The following APBB1 variants were observed in gnomAD, a reference collection of about 807,000 sequenced individuals.
APBB1 encodes amyloid beta precursor protein binding family B member 1.
In APBB1, 22 loss-of-function variants were observed where a neutral mutation model predicts 78.4. That is an observed-to-expected ratio of 0.28 (90% CI 0.20 to 0.40). The LOEUF is 0.40. Among genes scored for constraint, APBB1 ranks in the 10% least tolerant of loss-of-function variants. APBB1 has a pLI of 1.00. For synonymous variants in APBB1, 369 were observed against 372.7 expected (o/e 0.99, Z 0.12); for missense variants, 749 against 932.4 (o/e 0.80, Z 2.56).
rs1455293248 is a variant in APBB1 at position 6,402,885 on chromosome 11, G to C, written c.1105-160C>G. ...GAGAGGGGGATGTGGTTAGGGTGAG[G>C]GAGATGTCAGATGAGACCCCAGCTA... is the stretch of plus-strand genomic sequence containing the variant. On this transcript the variant is annotated intron_variant, in intron 6 of 14. Transcript: ENST00000609360. 4 of 943,894 alleles carry C rather than the reference G, an allele frequency of 4.2e-6. No homozygotes were observed. The African/African-American group carries it at 6.7e-5, about 16-fold the overall frequency. The allele number at this position is 943,894 out of a possible 1,614,324, so 58.5% of individuals were successfully genotyped here. A position where few individuals can be genotyped will look rare whatever the true frequency, so the allele number is the denominator to read the frequency against.
At chr11:6,396,843 G>T (rs1287756138) in intron 12 of APBB1, among the ~76,000 whole-genome samples, 1 of 152,156 alleles carries the variant, frequency 6.6e-6, no homozygotes, top group African/African-American at 2.4e-5. Context: ...TGGGTTCTTA[G>T]CCATGCCTTT....
chr11:6,402,558 C>T lies in APBB1; in HGVS notation c.1254+18G>A, dbSNP rs1444982442. 6.2e-7 allele frequency: 1 copy of T among 1,612,728 alleles called. No homozygotes were observed. The highest frequency in any genetic ancestry group is 8.5e-7 in the Non-Finnish European group (1 of 1,178,866). On this transcript the variant is annotated intron_variant, in intron 7 of 14. Transcript: ENST00000609360. ...CACTCTCACAGTACCACCCCCTACC[C>T]CCGGCTCAGGTCCTTACTTCCCCCC...
At chr11:6,409,087 T>C (rs1281143883) in intron 2 of APBB1, among the ~76,000 whole-genome samples, 1 of 152,160 alleles carries the variant, frequency 6.6e-6, no homozygotes, top group Non-Finnish European at 1.5e-5. Context: ...TTGTTGTTGT[T>C]GAGAAAGGGT....
intron 2 of APBB1, among the ~76,000 whole-genome samples, chr11:6,409,149 A>G (rs1351793682): frequency 6.6e-6 from 1 of 151,940 alleles, no homozygotes; most frequent in Non-Finnish European, 1.5e-5. Flanking sequence ...GGCTCACTGT[A>G]GTCTCGACTT....
Position 6,403,806 on chromosome 11 carries a change from G to A in APBB1, c.738C>T (p.Pro246=), listed in dbSNP as rs1848663888. The change falls in exon 3 of 15, where the codon CCC becomes CCT. Residue 246 remains proline, a synonymous_variant. Transcript: ENST00000609360. This position sits in a 1 kb window ranked among gnomAD's most constrained non-coding sequence, Gnocchi z 5.3. ...SPEDTDSFWN[P]NAFETDSDLP... ...GGTCGGAATCCGTCTCGAAGGCGTT[G>A]GGGTTCCAGAAGGAATCTGCCAGGT... is the stretch of plus-strand genomic sequence containing the variant. 1 of 1,552,964 alleles carries A rather than the reference G, an allele frequency of 6.4e-7. No individual in the cohort carries two copies. Among genetic ancestry groups the A allele is most frequent in the African/African-American group, 1.4e-5 (1 of 73,146 alleles).
rs555812893 is a variant in APBB1, at chr11:6,403,591, A to G, written c.898-47T>C. 1 of 1,613,902 alleles carries G rather than the reference A, an allele frequency of 6.2e-7. No homozygotes were observed. Among genetic ancestry groups the G allele is most frequent in the Admixed American group, 1.7e-5 (1 of 60,020 alleles). ...GTGAGTGAGTGTCCTATCCTACTCC[A>G]GCAGCACACACTCCCTCCACCCCTG... On this transcript the variant is annotated intron_variant, in intron 3 of 14. Transcript: ENST00000609360. This position sits in a 1 kb window ranked among gnomAD's most constrained non-coding sequence, Gnocchi z 5.3.
In APBB1 at chr11:6,401,572, G is replaced by A; in HGVS notation, c.1503+2C>T. On this transcript the variant is annotated splice_donor_variant, in intron 10 of 14. Transcript: ENST00000609360. LOFTEE classifies it low-confidence loss of function (GC_TO_GT_DONOR). The surrounding 1 kb of genome is among the most constrained non-coding windows in gnomAD (Gnocchi z 4.5). ...TAGTCCAGGGAGTGGAGGGGGCCGT[G>A]CCTTAGAGCAGATCTCATGCAGGCT... 6.2e-7 allele frequency: 1 copy of A among 1,614,180 alleles called. No homozygotes were observed. Among genetic ancestry groups the A allele is most frequent in the Non-Finnish European group, 8.5e-7 (1 of 1,180,038 alleles).
At position 6,395,328 on chromosome 11, in the gene APBB1, C is replaced by T; in HGVS notation, c.*206G>A. 2.0e-6 allele frequency: 1 copy of T among 490,696 alleles called. No homozygotes were observed. Among genetic ancestry groups the T allele is most frequent in the Non-Finnish European group, 3.4e-6 (1 of 291,920 alleles). 30.4% of individuals were successfully genotyped at this position (490,696 alleles called of 1,614,324 possible). ...CCAGGGCTGGCCTTGCTTCCTGCTC[C>T]TCTTGTTACCACTCCAGTGTTATCA... On this transcript the variant is annotated 3_prime_UTR_variant, in exon 15 of 15. Coordinates refer to ENST00000609360, the MANE Select transcript of APBB1 (RefSeq NM_001164.5). The surrounding 1 kb of genome is among the most constrained non-coding windows in gnomAD (Gnocchi z 5.2).
At chr11:6,407,881 G>A (rs889665296) in intron 2 of APBB1, among the ~76,000 whole-genome samples, 2 of 150,644 alleles carry the variant, frequency 1.3e-5, no homozygotes, top group African/African-American at 4.9e-5. Context: ...CCGGGTTCAC[G>A]CCATTCTCCT....
intron 1 of APBB1, among the ~76,000 whole-genome samples, chr11:6,416,449 T>C (rs1849118202): frequency 6.6e-6 from 1 of 152,138 alleles, no homozygotes; most frequent in African/African-American, 2.4e-5. Context: ...GACAAGTACA[T>C]TCAACTTTCT....
At chr11:6,413,151 C>A (rs1434794988) in intron 1 of APBB1, among the ~76,000 whole-genome samples, 1 of 152,120 alleles carries the variant, frequency 6.6e-6, no homozygotes, top group Non-Finnish European at 1.5e-5. Flanking sequence ...CCCTGACCAA[C>A]CACTGCCCAC....
At chr11:6,398,473 T>C (rs1201369632) in intron 12 of APBB1, among the ~76,000 whole-genome samples, 1 of 152,126 alleles carries the variant, frequency 6.6e-6, no homozygotes, top group Non-Finnish European at 1.5e-5. Flanking sequence ...AAAACGAGCA[T>C]AAGATAAAGC....
chr11:6,402,369 A>G lies in APBB1; in HGVS notation c.1255-160T>C, dbSNP rs1042661083. ...CTCACTCTAGTGGAGGTCACGTGTC[A>G]TCTCTCACATTGACTCCACCGTTGT... On this transcript the variant is annotated intron_variant, in intron 7 of 14. Coordinates refer to ENST00000609360, the MANE Select transcript of APBB1 (RefSeq NM_001164.5). The G allele has an allele frequency of 2.4e-5, 28 of 1,159,994 alleles. No homozygotes were observed. The African/African-American group carries it at 4.0e-4, about 17-fold the overall frequency. The allele number at this position is 1,159,994 out of a possible 1,614,324, so 71.9% of individuals were successfully genotyped here. A position where few individuals can be genotyped will look rare whatever the true frequency, so the allele number is the denominator to read the frequency against.
At chr11:6,414,791 A>G (rs1448686849) in intron 1 of APBB1, among the ~76,000 whole-genome samples, 2 of 151,874 alleles carry the variant, frequency 1.3e-5, no homozygotes, top group African/African-American at 4.8e-5. Context: ...GAAGCAGAAG[A>G]CTCCACGACT....
At chr11:6,396,649 A>T (rs1848242236) in intron 12 of APBB1, 1 of 200,072 alleles carries the variant, frequency 5.0e-6, no homozygotes, top group East Asian at 1.8e-4. Flanking sequence ...CTGAGGAGTG[A>T]TTACTCTGTA....
chr11:6,413,379 T>A (rs575649343), intron 1 of APBB1, among the ~76,000 whole-genome samples: 1 of 152,202 alleles, frequency 6.6e-6, no homozygotes, highest in South Asian at 2.1e-4. Context: ...ATCTGAGAGT[T>A]CCCTATCTCC....
intron 1 of APBB1, among the ~76,000 whole-genome samples, chr11:6,412,183 G>C (rs1292727392): frequency 6.6e-6 from 1 of 152,096 alleles, no homozygotes; most frequent in Non-Finnish European, 1.5e-5. Flanking sequence ...ACAGAATCTT[G>C]CTCTTGTTGC....
chr11:6,407,820 C>T (rs887383426), intron 2 of APBB1, among the ~76,000 whole-genome samples: 2 of 148,598 alleles, frequency 1.3e-5, no homozygotes, highest in Admixed American at 6.7e-5. Context: ...TCGCCCGGGC[C>T]GGACTGCGGA....
At chr11:6,418,004 T>C (rs1370164144) in intron 1 of APBB1, among the ~76,000 whole-genome samples, 1 of 152,172 alleles carries the variant, frequency 6.6e-6, no homozygotes, top group African/African-American at 2.4e-5. Flanking sequence ...TATATAAATT[T>C]GGGAATCATT....
Sources: allele counts gnomAD v4.1 joint callset (sites outside exome capture counted in the v4.1 genomes callset), GRCh38; gene constraint gnomAD v4.1.1; non-coding constraint Gnocchi (gnomAD v3.1); transcripts MANE v1.5; gene names NCBI Gene and HGNC (gene_info 2026-07-23, HGNC 2026-07-21).